Variants in ZBTB44 observed in about 807,000 individuals in gnomAD.
ZBTB44 encodes the protein zinc finger and BTB domain containing 44.
A neutral mutation model predicts 54.0 loss-of-function variants in ZBTB44; 15 were observed. The ratio of observed to expected loss-of-function variants is 0.28; its 90% CI spans 0.19 to 0.43. ZBTB44 has a LOEUF of 0.43. Ranked by LOEUF, ZBTB44 falls within the 20% of genes least tolerant of loss-of-function variation. The pLI is 1.00. For missense variants in ZBTB44, 487 were observed against 707.1 expected (o/e 0.69, Z 3.53); for synonymous variants, 230 against 250.1 (o/e 0.92, Z 0.76).
intron 1 of ZBTB44, among the ~76,000 whole-genome samples, chr11:130,291,615 A>G: frequency 6.6e-6 from 1 of 152,170 alleles, no homozygotes; most frequent in East Asian, 1.9e-4. Context: ...CATTAAACCA[A>G]GCTGTCTTTC....
chr11:130,279,786 T>G (rs189437038), intron 1 of ZBTB44, among the ~76,000 whole-genome samples: 74 of 152,292 alleles, frequency 4.9e-4, no homozygotes, highest in African/African-American at 1.7e-3. Context: ...GTCTTTTCTA[T>G]AGTCCTCTCC....
chr11:130,254,442 G>A (rs911311635), intron 2 of ZBTB44, among the ~76,000 whole-genome samples: 2 of 152,170 alleles, frequency 1.3e-5, no homozygotes, highest in African/African-American at 4.8e-5. Context: ...CTCTAAAGAA[G>A]ACATTTATGT....
intron 2 of ZBTB44, among the ~76,000 whole-genome samples, chr11:130,257,566 T>C (rs1419046633): frequency 6.6e-6 from 1 of 152,230 alleles, no homozygotes; most frequent in South Asian, 2.1e-4. Context: ...GATTCTTCCC[T>C]ACAATCTTCA....
At chr11:130,237,779 CAGA>C (rs1218378985) in intron 4 of ZBTB44, among the ~76,000 whole-genome samples, 5 of 152,150 alleles carry the variant, frequency 3.3e-5, no homozygotes, top group Non-Finnish European at 7.3e-5. Flanking sequence ...GACCTATCTA[CAGA>C]AGGGGAAAGT....
In ZBTB44 at chr11:130,236,672, C is replaced by T. The variant is rs951091508; in HGVS notation, c.1568+121G>A. Reference sequence around the variant, plus strand: ...GATTAGAGTATGAACAGTGGGAATCCGTAACAAATGTGACTGACTAGCTGG... The same window carrying T: ...GATTAGAGTATGAACAGTGGGAATCTGTAACAAATGTGACTGACTAGCTGG... On this transcript the variant is annotated intron_variant, in intron 5 of 7. Coordinates refer to ENST00000357899, the MANE Select transcript of ZBTB44 (RefSeq NM_001301098.2). 65 of 1,061,432 alleles carry T rather than the reference C, an allele frequency of 6.1e-5. 1 individual carries two copies. Among genetic ancestry groups the T allele is most frequent in the Non-Finnish European group, 7.2e-5 (59 of 814,294 alleles). 65.8% of individuals were successfully genotyped at this position (1,061,432 alleles called of 1,614,324 possible).
Position 130,274,926 on chromosome 11 carries a change from A to C in ZBTB44, c.-56-12997T>G, listed in dbSNP as rs914293970. On this transcript the variant is annotated intron_variant, in intron 1 of 7. Coordinates refer to ENST00000357899, the MANE Select transcript of ZBTB44 (RefSeq NM_001301098.2). The stretch of plus-strand genomic sequence containing the variant: ...CCTCCCGTTTTTTGGAAGAGTTTGT[A>C]AAGAATCGGTATTAGTTCTTTAAAT... Among the ~76,000 whole-genome samples the C allele has an allele frequency of 5.3e-5, 8 of 152,306 alleles. 1 individual carries two copies. The highest frequency in any genetic ancestry group is 5.2e-4 in the Admixed American group (8 of 15,300).
At chr11:130,296,073 G>A (rs117126223) in intron 1 of ZBTB44, 514 of 1,582,990 alleles carry the variant, frequency 3.2e-4, no homozygotes, top group Admixed American at 1.3e-3. Context: ...TGGATGTTGG[G>A]TATGAAGAGG....
chr11:130,278,228 A>G (rs1217917308), intron 1 of ZBTB44, among the ~76,000 whole-genome samples: 1 of 152,240 alleles, frequency 6.6e-6, no homozygotes, highest in African/African-American at 2.4e-5. Context: ...TCTAGCTTAA[A>G]GTGCTCAAAA....
intron 1 of ZBTB44, among the ~76,000 whole-genome samples, chr11:130,282,128 A>AT (rs1200223265): frequency 1.6e-4 from 25 of 152,330 alleles, no homozygotes; most frequent in Admixed American, 1.6e-3. Flanking sequence ...AGTTAAGGTT[A>AT]TTTTTGTGGC....
chr11:130,289,909 C>T (rs893757084), intron 1 of ZBTB44, among the ~76,000 whole-genome samples: 3 of 152,166 alleles, frequency 2.0e-5, no homozygotes, highest in African/African-American at 7.2e-5. Flanking sequence ...AATTCATTAT[C>T]ATCTCTCAAA....
chr11:130,249,500 C>T (rs1309957050), intron 2 of ZBTB44, among the ~76,000 whole-genome samples: 1 of 152,216 alleles, frequency 6.6e-6, no homozygotes, highest in Non-Finnish European at 1.5e-5. Context: ...TACGTCTTGG[C>T]TGCTGGCAAG....
chr11:130,288,576 A>C (rs1465533041), intron 1 of ZBTB44, among the ~76,000 whole-genome samples: 1 of 151,968 alleles, frequency 6.6e-6, no homozygotes, highest in East Asian at 1.9e-4. Context: ...AGACTACATT[A>C]ACCACTGCTT....
In ZBTB44 at chr11:130,229,228, C is replaced by T. The variant is rs910670032; in HGVS notation, c.*2536G>A. The T allele has an allele frequency of 2.0e-5, 3 of 151,786 alleles. No homozygotes were observed. The highest frequency in any genetic ancestry group is 3.4e-3 in the Middle Eastern group (1 of 294). The allele number at this position is 151,786 out of a possible 1,614,324, so 9.4% of individuals were successfully genotyped here. ...TTTTCCCATCATAAAAATATAATCACGATAGAGTGGAAATGTCTAACTGTA... is the reference window on the plus strand; with the variant it reads ...TTTTCCCATCATAAAAATATAATCATGATAGAGTGGAAATGTCTAACTGTA... On this transcript the variant is annotated 3_prime_UTR_variant, in exon 8 of 8. Coordinates refer to ENST00000357899, the MANE Select transcript of ZBTB44 (RefSeq NM_001301098.2).
chr11:130,294,599 C>G (rs949917377), intron 1 of ZBTB44, among the ~76,000 whole-genome samples: 2 of 150,360 alleles, frequency 1.3e-5, no homozygotes, highest in Non-Finnish European at 3.0e-5. Flanking sequence ...TCTCCCCACC[C>G]CATTATGTTG....
intron 1 of ZBTB44, among the ~76,000 whole-genome samples, chr11:130,278,769 T>C (rs1239110811): frequency 1.3e-5 from 2 of 152,244 alleles, no homozygotes; most frequent in African/African-American, 2.4e-5. Flanking sequence ...TCTAATTGTT[T>C]TTTCAATAAT....
rs114987425 is a variant in ZBTB44 at position 130,294,754 on chromosome 11, T to A, written c.-57+19621A>T. ...ATAATGGAACGGTAGGCAAAACAGGTTAATCAGAGTACTTAAGGGATATCT... is the reference window on the plus strand; with the variant it reads ...ATAATGGAACGGTAGGCAAAACAGGATAATCAGAGTACTTAAGGGATATCT... On this transcript the variant is annotated intron_variant, in intron 1 of 7. Transcript: ENST00000357899. 1.4e-3 allele frequency among the ~76,000 whole-genome samples: 208 copies of A among 152,198 alleles called. 1 individual carries two copies. Among genetic ancestry groups the A allele is most frequent in the African/African-American group, 4.3e-3 (179 of 41,536 alleles).
At chr11:130,232,837 AAAAAAT>A (rs1953929573) in intron 7 of ZBTB44, 1 of 152,920 alleles carries the variant, frequency 6.5e-6, no homozygotes, top group African/African-American at 2.4e-5. Context: ...TCATCTCTAC[AAAAAAT>A]AAAAATGAAG....
At chr11:130,275,415 G>C (rs1939983946) in intron 1 of ZBTB44, among the ~76,000 whole-genome samples, 1 of 152,200 alleles carries the variant, frequency 6.6e-6, no homozygotes, top group Non-Finnish European at 1.5e-5. Flanking sequence ...CTGGGCTCAA[G>C]CGATTCTCCT....
intron 1 of ZBTB44, among the ~76,000 whole-genome samples, chr11:130,262,787 G>A (rs1436445015): frequency 1.3e-5 from 2 of 152,200 alleles, no homozygotes; most frequent in African/African-American, 4.8e-5. Flanking sequence ...GCCAGGTGTG[G>A]TGGCTCACGT....
Sources: gnomAD v4.1 joint callset for allele counts (sites outside exome capture counted in the v4.1 genomes callset) on GRCh38, gnomAD v4.1.1 for gene constraint, MANE v1.5 for transcripts, NCBI Gene and HGNC (gene_info 2026-07-23, HGNC 2026-07-21) for gene names.